KAZN: variants seen among roughly 807,000 people sequenced by gnomAD.
The protein encoded by KAZN is kazrin, periplakin interacting protein.
A neutral mutation model predicts 87.4 loss-of-function variants in KAZN; 40 were observed. That is an observed-to-expected ratio of 0.46 (90% CI 0.36 to 0.60). The LOEUF is 0.60. KAZN is among the 20% of genes least tolerant of loss of function. The probability of loss-of-function intolerance (pLI) is 0.00; values close to 1 mark genes in which losing one functional copy is unlikely to be tolerated. For synonymous variants in KAZN, 466 were observed against 458.3 expected, an observed-to-expected ratio of 1.02 and a Z score of -0.22; for missense variants, 898 against 1,073.9, an observed-to-expected ratio of 0.84 and a Z score of 2.29.
intron 2 of KAZN, among the ~76,000 whole-genome samples, chr1:14,572,052 T>A (rs533443953): frequency 6.6e-6 from 1 of 152,302 alleles, no homozygotes; most frequent in East Asian, 1.9e-4. Flanking sequence ...CCCCTGCAGC[T>A]TCGGGGGAGG....
In KAZN at chr1:14,167,281, T is replaced by C. The variant is rs76882267; in HGVS notation, c.92-13154T>C. Among the ~76,000 whole-genome samples, 1,073 of 152,332 alleles carry C rather than the reference T, an allele frequency of 7.0e-3. 8 individuals carry two copies. Among genetic ancestry groups the C allele is most frequent in the African/African-American group, 0.024 (980 of 41,572 alleles). On this transcript the variant is annotated intron_variant, in intron 1 of 16. Transcript: ENST00000636203. ...ATTTTGCATTCCATTCCATATTTCA[T>C]TGTGTCTTGTTTTATCCTAGAGAGA...
chr1:15,106,210 G>A (rs1557803399), intron 13 of KAZN, among the ~76,000 whole-genome samples: 1 of 152,176 alleles, frequency 6.6e-6, no homozygotes, highest in Non-Finnish European at 1.5e-5. Context: ...GAGCCCGGGA[G>A]TGTGAGGCTG....
At chr1:14,090,082 T>C (rs1437582220) in intron 1 of KAZN, among the ~76,000 whole-genome samples, 2 of 152,174 alleles carry the variant, frequency 1.3e-5, no homozygotes, top group Non-Finnish European at 2.9e-5. Context: ...AATGTGATTA[T>C]TTTGTGACTG....
chr1:15,004,209 G>A (rs533359910), intron 2 of KAZN, among the ~76,000 whole-genome samples: 144 of 152,178 alleles, frequency 9.5e-4, no homozygotes, highest in Non-Finnish European at 1.9e-3. Context: ...TGCACTTTTT[G>A]CATTTTAGCA....
chr1:14,335,066 G>C (rs116452926), intron 2 of KAZN, among the ~76,000 whole-genome samples: 1 of 151,122 alleles, frequency 6.6e-6, no homozygotes, highest in Non-Finnish European at 1.5e-5. Flanking sequence ...CCTAAGAAGT[G>C]TTTGGGCCAT....
intron 1 of KAZN, among the ~76,000 whole-genome samples, chr1:14,619,344 G>A (rs532967600): frequency 1.3e-5 from 2 of 151,696 alleles, no homozygotes; most frequent in African/African-American, 2.4e-5. Context: ...TCTACAGGTG[G>A]GTGCCAACAC....
intron 3 of KAZN, among the ~76,000 whole-genome samples, chr1:15,040,544 T>C (rs923265082): frequency 2.0e-5 from 3 of 152,222 alleles, no homozygotes; most frequent in African/African-American, 7.2e-5. Flanking sequence ...GGCAGACAGA[T>C]CACCTGAGGT....
chr1:15,096,355 G>A lies in KAZN; in HGVS notation c.1547+1422G>A, dbSNP rs1640804650. 6.6e-6 allele frequency among the ~76,000 whole-genome samples: 1 copy of A among 152,210 alleles called. No homozygotes were observed. The highest frequency in any genetic ancestry group is 2.4e-5 in the African/African-American group (1 of 41,456). On this transcript the variant is annotated intron_variant, in intron 10 of 14. Transcript: ENST00000376030. The surrounding 1 kb of genome is among the most constrained non-coding windows in gnomAD (Gnocchi z 4.5). ...GATTACTTTTGTAGTGGGGGCAAGG[G>A]CAGAAAAACAAAAACACTAAAAGCC... is the stretch of plus-strand genomic sequence containing the variant.
At chr1:14,747,468 G>C (rs558589869) in intron 1 of KAZN, among the ~76,000 whole-genome samples, 12 of 152,106 alleles carry the variant, frequency 7.9e-5, no homozygotes, top group African/African-American at 2.9e-4. Flanking sequence ...ATAGAGACGG[G>C]GTTTCACCAT....
chr1:14,928,339 C>T (rs1659399862), intron 1 of KAZN, among the ~76,000 whole-genome samples: 1 of 152,018 alleles, frequency 6.6e-6, no homozygotes, highest in South Asian at 2.1e-4. Flanking sequence ...GTCCCAGCTA[C>T]TTGGGAGGCT....
At chr1:13,962,232 G>A (rs1223239516) in intron 1 of KAZN, among the ~76,000 whole-genome samples, 1 of 152,172 alleles carries the variant, frequency 6.6e-6, no homozygotes, top group Non-Finnish European at 1.5e-5. Flanking sequence ...GGAGGCAGAT[G>A]TGGCTACAGG....
intron 1 of KAZN, among the ~76,000 whole-genome samples, chr1:14,014,740 T>C (rs560467736): frequency 6.6e-6 from 1 of 152,330 alleles, no homozygotes; most frequent in South Asian, 2.1e-4. Flanking sequence ...ACAGAAAAAG[T>C]ACATCTTGGA....
chr1:14,767,856 G>A (rs558609156), intron 1 of KAZN, among the ~76,000 whole-genome samples: 16 of 152,300 alleles, frequency 1.1e-4, no homozygotes, highest in African/African-American at 3.8e-4. Context: ...AGGACCTTGA[G>A]CTGCCAGAAT....
chr1:14,573,915 T>C lies in KAZN; in HGVS notation c.250-25068T>C, dbSNP rs138059855. ...AAAAAAGTCTTAATTAAGATAAATA[T>C]GTTACCAATGCCAGAGGTGGCTAGG... is the stretch of plus-strand genomic sequence containing the variant. On this transcript the variant is annotated intron_variant, in intron 2 of 16. Coordinates refer to the KAZN transcript ENST00000636203. Among the ~76,000 whole-genome samples, 5 of 152,224 alleles carry C rather than the reference T, an allele frequency of 3.3e-5. No individual in the cohort carries two copies. The East Asian group carries it at 9.7e-4, about 29-fold the overall frequency.
At chr1:14,602,091 G>A (rs1372758008) in intron 1 of KAZN, among the ~76,000 whole-genome samples, 1 of 152,176 alleles carries the variant, frequency 6.6e-6, no homozygotes, top group Non-Finnish European at 1.5e-5. Context: ...ACAACGGGCA[G>A]TAGGTAGGTT....
At chr1:15,027,190 T>A (rs1671262614) in intron 2 of KAZN, among the ~76,000 whole-genome samples, 1 of 145,544 alleles carries the variant, frequency 6.9e-6, no homozygotes. Flanking sequence ...CACGCCATTC[T>A]CCTGCCTCAG....
At chr1:14,059,170 G>T (rs528401571) in intron 1 of KAZN, among the ~76,000 whole-genome samples, 1 of 152,296 alleles carries the variant, frequency 6.6e-6, no homozygotes, top group East Asian at 1.9e-4. Flanking sequence ...ATGAAAGGGA[G>T]TTTATAAGGG....
intron 1 of KAZN, among the ~76,000 whole-genome samples, chr1:14,927,104 G>A (rs556814914): frequency 3.3e-5 from 5 of 152,302 alleles, no homozygotes; most frequent in South Asian, 2.1e-4. Context: ...CCTCGATTGC[G>A]TTTTACTCTG....
At chr1:14,340,888 CTT>C (rs3085672) in intron 2 of KAZN, among the ~76,000 whole-genome samples, 9 of 103,148 alleles carry the variant, frequency 8.7e-5, no homozygotes, top group South Asian at 6.9e-4. Flanking sequence ...ATGATTTTCC[CTT>C]TTTTTTTTTT....
Sources: allele counts gnomAD v4.1 joint callset (sites outside exome capture counted in the v4.1 genomes callset), GRCh38; gene constraint gnomAD v4.1.1; non-coding constraint Gnocchi (gnomAD v3.1); transcripts MANE v1.5; gene names NCBI Gene and HGNC (gene_info 2026-07-23, HGNC 2026-07-21).